COL23A1: variants seen among roughly 807,000 people sequenced by gnomAD.
COL23A1 encodes the protein collagen type XXIII alpha 1 chain, also known as collagen alpha-1(XXIII) chain.
Under a neutral mutation model 99.3 loss-of-function variants are expected in COL23A1, and 97 were observed. The observed-to-expected ratio is 0.98, with a 90% CI of 0.83 to 1.16. The LOEUF is 1.16. COL23A1 is among the 50% of genes most tolerant of loss of function. The probability of loss-of-function intolerance (pLI) is 0.00; values close to 1 mark genes in which losing one functional copy is unlikely to be tolerated. For synonymous variants in COL23A1, 320 were observed against 308.2 expected, an observed-to-expected ratio of 1.04 and a Z score of -0.40; for missense variants, 762 against 757.4, an observed-to-expected ratio of 1.01 and a Z score of -0.07.
intron 2 of COL23A1, among the ~76,000 whole-genome samples, chr5:178,343,224 G>A (rs185414534): frequency 1.2e-3 from 189 of 152,266 alleles, no homozygotes; most frequent in Admixed American, 3.1e-3. Flanking sequence ...ATCAGATTCC[G>A]AAGCGAAGAC....
intron 2 of COL23A1, among the ~76,000 whole-genome samples, chr5:178,457,858 G>A (rs993593414): frequency 2.0e-5 from 3 of 152,188 alleles, no homozygotes; most frequent in Non-Finnish European, 2.9e-5. Flanking sequence ...ACTGAAAACA[G>A]CAGCATGCAC....
At chr5:178,239,040 C>T in intron 28 of COL23A1, 101 bp downstream of exon 28, 2 of 1,339,846 alleles carry the variant, frequency 1.5e-6, no homozygotes, top group Non-Finnish European at 2.1e-6. Flanking sequence ...CCGCAGACAC[C>T]CAGAGGTTTG....
Position 178,473,595 on chromosome 5 carries a change from G to A in COL23A1, c.361+87087C>T, listed in dbSNP as rs1439951758. ...TCCCTGAGTGCTGGGATTATACTAT[G>A]CCATTTTATATGAGGGATTTGAGCA... On this transcript the variant is annotated intron_variant, in intron 2 of 28. Coordinates refer to ENST00000390654, the MANE Select transcript of COL23A1 (RefSeq NM_173465.4). Among the ~76,000 whole-genome samples, 3 of 150,672 alleles carry A rather than the reference G, an allele frequency of 2.0e-5. No individual in the cohort carries two copies. In the East Asian group the frequency reaches 5.9e-4, roughly 30 times the overall value.
At chr5:178,484,330 A>G (rs1394251445) in intron 2 of COL23A1, among the ~76,000 whole-genome samples, 2 of 152,280 alleles carry the variant, frequency 1.3e-5, no homozygotes, top group Non-Finnish European at 2.9e-5. Flanking sequence ...GAAAATTAAC[A>G]GCATTTTGTT....
intron 3 of COL23A1, among the ~76,000 whole-genome samples, chr5:178,301,747 ACT>A (rs1758043676): frequency 6.6e-6 from 1 of 151,662 alleles, no homozygotes; most frequent in Admixed American, 6.6e-5. Context: ...AACGTCTCCC[ACT>A]CTGTGCTGGC....
intron 2 of COL23A1, among the ~76,000 whole-genome samples, chr5:178,404,771 T>C (rs1655649302): frequency 6.6e-6 from 1 of 152,010 alleles, no homozygotes; most frequent in Non-Finnish European, 1.5e-5. Context: ...GCCTTGAGGG[T>C]TGACAGAGAC....
At chr5:178,500,286 G>A (rs1044139188) in intron 2 of COL23A1, among the ~76,000 whole-genome samples, 6 of 151,888 alleles carry the variant, frequency 4.0e-5, no homozygotes, top group African/African-American at 1.5e-4. Flanking sequence ...CAATGAGACT[G>A]TTTAAAAATA....
intron 28 of COL23A1, 39 bp from the exon 29 acceptor site, chr5:178,238,739 C>A: frequency 6.2e-7 from 1 of 1,612,046 alleles, no homozygotes; most frequent in South Asian, 1.1e-5. Flanking sequence ...ACGAGGAGCC[C>A]GAGAAGCTCC....
At chr5:178,326,659 C>T (rs1759680944) in intron 2 of COL23A1, among the ~76,000 whole-genome samples, 3 of 152,220 alleles carry the variant, frequency 2.0e-5, no homozygotes, top group South Asian at 4.1e-4. Context: ...CCTCCACTCA[C>T]GTTCCCCCAC....
intron 1 of COL23A1, among the ~76,000 whole-genome samples, chr5:178,567,718 G>A (rs970855860): frequency 3.9e-5 from 6 of 152,178 alleles, no homozygotes; most frequent in Non-Finnish European, 8.8e-5. Flanking sequence ...AAACCAACCT[G>A]AAAGAGCTTA....
intron 2 of COL23A1, among the ~76,000 whole-genome samples, chr5:178,481,131 CAAAAAAA>C (rs10625763): frequency 4.9e-5 from 5 of 102,320 alleles, no homozygotes; most frequent in Admixed American, 1.2e-4. Flanking sequence ...GACTGTCTCT[CAAAAAAA>C]AAAAAAAAAA....
At chr5:178,480,812 A>G (rs1214298766) in intron 2 of COL23A1, among the ~76,000 whole-genome samples, 2 of 152,158 alleles carry the variant, frequency 1.3e-5, no homozygotes, top group Admixed American at 6.5e-5. Flanking sequence ...TCTTTGTATA[A>G]TATGTCAGGG....
At chr5:178,378,504 T>C (rs781438000) in intron 2 of COL23A1, among the ~76,000 whole-genome samples, 1 of 152,084 alleles carries the variant, frequency 6.6e-6, no homozygotes, top group Middle Eastern at 3.2e-3. Flanking sequence ...GTAAATCCAG[T>C]GTGATCAGAG....
intron 2 of COL23A1, among the ~76,000 whole-genome samples, chr5:178,357,968 GTA>G (rs1360310126): frequency 3.7e-5 from 5 of 135,162 alleles, no homozygotes; most frequent in Non-Finnish European, 6.5e-5. Flanking sequence ...GTGTGTATGT[GTA>G]TGTGTATATA....
intron 7 of COL23A1, 78 bp from the exon 8 acceptor site, chr5:178,267,411 A>C: frequency 2.1e-6 from 3 of 1,395,798 alleles, no homozygotes; most frequent in Non-Finnish European, 2.0e-6. Context: ...ATCTGTGCCC[A>C]GTGCTTCATA....
At chr5:178,576,246 CT>C (rs1359856727) in intron 1 of COL23A1, among the ~76,000 whole-genome samples, 2 of 151,380 alleles carry the variant, frequency 1.3e-5, no homozygotes, top group African/African-American at 2.4e-5. Flanking sequence ...ATTCATTATC[CT>C]TTTTTTTTAG....
At chr5:178,271,845 G>A (rs149307581) in intron 5 of COL23A1, among the ~76,000 whole-genome samples, 37 of 152,334 alleles carry the variant, frequency 2.4e-4, no homozygotes, top group South Asian at 6.2e-4. Flanking sequence ...GCAAAAGAGA[G>A]CAGCCTGGCC....
chr5:178,299,747 T>C (rs1757930721), intron 3 of COL23A1, among the ~76,000 whole-genome samples: 1 of 151,314 alleles, frequency 6.6e-6, no homozygotes, highest in South Asian at 2.1e-4. Flanking sequence ...TTTTATTTCA[T>C]ATTTATTTAT....
At chr5:178,496,470 T>C (rs949934538) in intron 2 of COL23A1, among the ~76,000 whole-genome samples, 1 of 152,244 alleles carries the variant, frequency 6.6e-6, no homozygotes, top group Non-Finnish European at 1.5e-5. Context: ...TCAGAAGTTG[T>C]AGCCGGACTA....
Sources: allele counts gnomAD v4.1 joint callset (sites outside exome capture counted in the v4.1 genomes callset), GRCh38; gene constraint gnomAD v4.1.1; transcripts MANE v1.5; gene names NCBI Gene and HGNC (gene_info 2026-07-23, HGNC 2026-07-21).